The following ATP2C1 variants were observed in gnomAD, a reference collection of about 807,000 sequenced individuals.
ATP2C1 encodes the protein ATPase secretory pathway Ca2+ transporting 1, also known as calcium-transporting ATPase type 2C member 1.
A neutral mutation model predicts 120.5 loss-of-function variants in ATP2C1; 31 were observed. The observed-to-expected ratio is 0.26, with a 90% confidence interval of 0.19 to 0.35. The LOEUF (loss-of-function observed/expected upper bound fraction) is 0.35. Ranked by LOEUF, ATP2C1 falls within the 10% of genes least tolerant of loss-of-function variation. The pLI is 1.00. For missense variants in ATP2C1, 731 were observed against 1,107.5 expected (o/e 0.66, Z 4.83); for synonymous variants, 351 against 358.7 (o/e 0.98, Z 0.24).
At chr3:130,995,645 ATTTG>A (rs999077793) in intron 22 of ATP2C1, among the ~76,000 whole-genome samples, 5 of 151,918 alleles carry the variant, frequency 3.3e-5, no homozygotes, top group South Asian at 4.2e-4. Context: ...TATTTTATTT[ATTTG>A]TTTGTTTGTT....
At chr3:130,892,560 A>C (rs2069216222), upstream of ATP2C1, among the ~76,000 whole-genome samples, 2 of 151,934 alleles carry the variant, frequency 1.3e-5, no homozygotes, top group South Asian at 4.1e-4. Context: ...GTAAATCTAA[A>C]AACCGTCCAG....
intron 2 of ATP2C1, among the ~76,000 whole-genome samples, chr3:130,905,759 GA>G (rs1263540510): frequency 6.6e-6 from 1 of 152,040 alleles, no homozygotes; most frequent in Non-Finnish European, 1.5e-5. Context: ...AAAAGGACTG[GA>G]TTTGCTTAAG....
downstream of ATP2C1, among the ~76,000 whole-genome samples, chr3:131,006,638 TG>T (rs1553785858): frequency 8.9e-4 from 2 of 2,240 alleles, no homozygotes; most frequent in Non-Finnish European, 7.0e-3. Flanking sequence ...TGTGTGTTTG[TG>T]TGTGTGTGTG....
intron 2 of ATP2C1, among the ~76,000 whole-genome samples, chr3:130,926,984 C>T (rs79480039): frequency 0.11 from 16,473 of 152,136 alleles, 1,020 homozygotes; most frequent in East Asian, 0.18. Flanking sequence ...TCTCAAGGAC[C>T]CACCTCTTCA....
In ATP2C1 at chr3:130,903,693, CCCTTTCCCCTTT is replaced by C. The variant is rs1438506021; in HGVS notation, c.6+8926_6+8937del. Among the ~76,000 whole-genome samples the C allele has an allele frequency of 2.3e-4, 25 of 107,224 alleles. No homozygotes were observed. In the South Asian group the frequency reaches 6.3e-3, roughly 27 times the overall value. The allele number at this position is 107,224 out of a possible 152,430, so 70.3% of individuals were successfully genotyped here. A position where few individuals can be genotyped will look rare whatever the true frequency, so the allele number is the denominator to read the frequency against. ...TTTCCTCTTTCCCCTTTCCCATTTC[CCCTTTCCCCTTT>C]CCTTTCCTTTCCTTTCCTTTCCTTT... On this transcript the variant is annotated intron_variant, in intron 2 of 27. Coordinates refer to ENST00000510168, the MANE Select transcript of ATP2C1 (RefSeq NM_001378687.1).
intron 8 of ATP2C1, among the ~76,000 whole-genome samples, chr3:130,945,026 T>G (rs1270952208): frequency 2.6e-5 from 4 of 152,366 alleles, no homozygotes; most frequent in Non-Finnish European, 4.4e-5. Flanking sequence ...GTATTTTTTT[T>G]ATTATACTTT....
chr3:130,888,187 C>A (rs190230043), intron 1 of ATP2C1, among the ~76,000 whole-genome samples: 102 of 152,306 alleles, frequency 6.7e-4, no homozygotes, highest in African/African-American at 2.4e-3. Flanking sequence ...CCTACTGTGA[C>A]TGAGCTGGTA....
At position 130,934,796 on chromosome 3, in the gene ATP2C1, G is replaced by T. The variant is rs984464876; in HGVS notation, c.324+85G>T. On this transcript the variant is annotated intron_variant, in intron 5 of 27. Coordinates refer to ENST00000510168, the MANE Select transcript of ATP2C1 (RefSeq NM_001378687.1). ...TTTATTTTGGAAAATAAATTGAGAA[G>T]TGCTCTCAGATTTTTTTCAGTGTCC... The T allele has an allele frequency of 5.4e-6, 5 of 922,364 alleles. No homozygotes were observed. The African/African-American group carries it at 8.3e-5, about 15-fold the overall frequency. 57.1% of individuals were successfully genotyped at this position (922,364 alleles called of 1,614,324 possible). A position where few individuals can be genotyped will look rare whatever the true frequency, so the allele number is the denominator to read the frequency against.
chr3:130,976,758 C>T (rs1274890362), intron 18 of ATP2C1, among the ~76,000 whole-genome samples: 3 of 152,134 alleles, frequency 2.0e-5, no homozygotes, highest in Non-Finnish European at 4.4e-5. Flanking sequence ...CTCCCAGCGT[C>T]ATTTCTGGGG....
At chr3:130,879,038 T>C (rs910474642) in intron 1 of ATP2C1, among the ~76,000 whole-genome samples, 8 of 152,132 alleles carry the variant, frequency 5.3e-5, no homozygotes, top group Admixed American at 3.9e-4. Flanking sequence ...GTTTATTTCA[T>C]ACATTGGGTT....
At chr3:130,911,718 C>T (rs923420783) in intron 2 of ATP2C1, among the ~76,000 whole-genome samples, 16 of 151,970 alleles carry the variant, frequency 1.1e-4, no homozygotes, top group South Asian at 2.1e-4. Flanking sequence ...ATCAAGCTAC[C>T]GATGACTTTC....
intron 20 of ATP2C1, among the ~76,000 whole-genome samples, chr3:130,981,845 C>T (rs1325301665): frequency 6.6e-6 from 1 of 152,096 alleles, no homozygotes; most frequent in African/African-American, 2.4e-5. Context: ...ATTTGCCATC[C>T]ATATATCTTC....
chr3:130,986,541 G>A (rs945314097), intron 20 of ATP2C1, among the ~76,000 whole-genome samples: 1 of 152,236 alleles, frequency 6.6e-6, no homozygotes, highest in Non-Finnish European at 1.5e-5. Flanking sequence ...CAAGTAGAGT[G>A]TGTGTGCGTT....
At chr3:130,858,158 C>T (rs978973563) in intron 1 of ATP2C1, among the ~76,000 whole-genome samples, 2 of 152,082 alleles carry the variant, frequency 1.3e-5, no homozygotes, top group Admixed American at 6.6e-5. Context: ...TGGCGCCCAC[C>T]CAGATTGAGG....
At chr3:130,878,127 G>A (rs2068665741) in intron 1 of ATP2C1, among the ~76,000 whole-genome samples, 1 of 124,078 alleles carries the variant, frequency 8.1e-6, no homozygotes, top group Non-Finnish European at 1.6e-5. Flanking sequence ...ATCACACACT[G>A]GGGCCTGTCG....
chr3:130,968,110 G>A (rs1406395892), intron 16 of ATP2C1, among the ~76,000 whole-genome samples: 1 of 152,092 alleles, frequency 6.6e-6, no homozygotes, highest in African/African-American at 2.4e-5. Context: ...AGACAGTACA[G>A]AATTACAGGT....
chr3:130,948,569 A>G (rs2060244194), intron 8 of ATP2C1, among the ~76,000 whole-genome samples: 1 of 152,012 alleles, frequency 6.6e-6, no homozygotes, highest in South Asian at 2.1e-4. Flanking sequence ...GGTTGTGTAG[A>G]TTTATGTCTT....
At position 130,980,698 on chromosome 3, in the gene ATP2C1, C is replaced by T. The variant is rs751243825; in HGVS notation, c.1839+19C>T. On this transcript the variant is annotated intron_variant, in intron 20 of 27. Transcript: ENST00000510168. ...ACCAAAGGTAGGCCTAAACTAAAGC[C>T]TTTTGGACTGAAAGGCCTTATTCTA... The T allele has an allele frequency of 6.4e-7, 1 of 1,570,114 alleles. No individual in the cohort carries two copies. Among genetic ancestry groups the T allele is most frequent in the Non-Finnish European group, 8.8e-7 (1 of 1,140,602 alleles).
chr3:130,902,856 G>A (rs2057927501), intron 2 of ATP2C1, among the ~76,000 whole-genome samples: 1 of 151,748 alleles, frequency 6.6e-6, no homozygotes, highest in Non-Finnish European at 1.5e-5. Context: ...GAATGTTTCA[G>A]TGGTGTTAGG....
Sources: allele counts gnomAD v4.1 joint callset (sites outside exome capture counted in the v4.1 genomes callset), GRCh38; gene constraint gnomAD v4.1.1; transcripts MANE v1.5; gene names NCBI Gene and HGNC (gene_info 2026-07-23, HGNC 2026-07-21).